The following CNTN3 variants were observed in gnomAD, a reference collection of about 807,000 sequenced individuals.
The protein encoded by CNTN3 is contactin 3.
In CNTN3, 60 loss-of-function variants were observed where a neutral mutation model predicts 119.1. The ratio of observed to expected loss-of-function variants is 0.50; its 90% confidence interval spans 0.41 to 0.62. CNTN3 has a LOEUF of 0.62. CNTN3 is among the 20% of genes least tolerant of loss of function. The pLI is 0.00. For missense variants in CNTN3, 1,101 were observed against 1,242.4 expected (o/e 0.89, Z 1.71); for synonymous variants, 450 against 438.7 (o/e 1.03, Z -0.32).
chr3:74,594,450 C>A (rs552669134), intron 1 of CNTN3, among the ~76,000 whole-genome samples: 17 of 151,928 alleles, frequency 1.1e-4, no homozygotes, highest in East Asian at 9.7e-4. Flanking sequence ...CCTCTCCCCC[C>A]ACCCCACAAC....
chr3:74,457,783 T>A (rs1370466497), intron 4 of CNTN3, among the ~76,000 whole-genome samples: 1 of 152,026 alleles, frequency 6.6e-6, no homozygotes, highest in East Asian at 1.9e-4. Context: ...AGAGATAAAT[T>A]AATACAGGAC....
chr3:74,301,884 A>C, intron 14 of CNTN3, 79 bp from the exon 15 acceptor site: 2 of 1,467,362 alleles, frequency 1.4e-6, no homozygotes, highest in Non-Finnish European at 1.9e-6. Flanking sequence ...AGAGAATGTC[A>C]CATGACCACT....
Position 74,266,608 on chromosome 3 carries a change from C to T in CNTN3, c.2859G>A (p.Leu953=). The T allele has an allele frequency of 6.2e-7, 1 of 1,613,442 alleles. No homozygotes were observed. Among genetic ancestry groups the T allele is most frequent in the Non-Finnish European group, 8.5e-7 (1 of 1,179,542 alleles). ...GTTCAGCTGAAGTTTTATTTGTGTTCAGTACTTGTACGTTATTTTGACTGC... is the reference window on the plus strand; with the variant it reads ...GTTCAGCTGAAGTTTTATTTGTGTTTAGTACTTGTACGTTATTTTGACTGC... ...RTSSQNNVQV[L]NTNKTSAELV... Residue 953 remains leucine (L), a synonymous_variant, in exon 22 of 23, where the codon CTG becomes CTA. Transcript: ENST00000263665.
At chr3:74,372,503 C>A (rs1299919003) in intron 5 of CNTN3, among the ~76,000 whole-genome samples, 1 of 151,898 alleles carries the variant, frequency 6.6e-6, no homozygotes, top group Non-Finnish European at 1.5e-5. Context: ...GGCTTATTGG[C>A]TTCCTGCTTT....
chr3:74,473,614 T>C (rs1396628424), intron 4 of CNTN3, among the ~76,000 whole-genome samples: 3 of 152,226 alleles, frequency 2.0e-5, no homozygotes, highest in South Asian at 4.1e-4. Context: ...TGCCAGTTTG[T>C]AGGAATGTAC....
At chr3:74,557,383 T>A (rs1011963331) in intron 1 of CNTN3, among the ~76,000 whole-genome samples, 1 of 152,068 alleles carries the variant, frequency 6.6e-6, no homozygotes, top group South Asian at 2.1e-4. Context: ...TGATGGCATT[T>A]TGAAAATATG....
intron 1 of CNTN3, among the ~76,000 whole-genome samples, chr3:74,609,006 C>T (rs1705037522): frequency 6.6e-6 from 1 of 152,110 alleles, no homozygotes; most frequent in Non-Finnish European, 1.5e-5. Flanking sequence ...AAGTAAAGAG[C>T]TTTCCTGAAC....
intron 19 of CNTN3, among the ~76,000 whole-genome samples, chr3:74,293,324 T>C (rs1702273210): frequency 6.6e-6 from 1 of 152,204 alleles, no homozygotes. Flanking sequence ...TTCAAGTCGA[T>C]GCTTGTTTGG....
chr3:74,592,250 T>C (rs1184305272), intron 1 of CNTN3, among the ~76,000 whole-genome samples: 1 of 151,750 alleles, frequency 6.6e-6, no homozygotes, highest in African/African-American at 2.4e-5. Context: ...GACTGGAAGA[T>C]GATCAATGAG....
At chr3:74,326,841 G>A (rs993437964) in intron 13 of CNTN3, among the ~76,000 whole-genome samples, 5 of 152,100 alleles carry the variant, frequency 3.3e-5, no homozygotes, top group African/African-American at 1.2e-4. Flanking sequence ...ATGTCCAAAT[G>A]ATATTTGTGT....
At chr3:74,412,468 G>A (rs1430930187) in intron 5 of CNTN3, among the ~76,000 whole-genome samples, 4 of 152,086 alleles carry the variant, frequency 2.6e-5, no homozygotes, top group African/African-American at 7.2e-5. Flanking sequence ...AGCTTCGTTT[G>A]GAATTATTTT....
chr3:74,372,244 A>T (rs1010631065), intron 5 of CNTN3, among the ~76,000 whole-genome samples: 1 of 152,146 alleles, frequency 6.6e-6, no homozygotes, highest in African/African-American at 2.4e-5. Flanking sequence ...ACTCAAAGGC[A>T]CTTAGTAGGG....
intron 4 of CNTN3, among the ~76,000 whole-genome samples, chr3:74,428,373 G>T (rs905462269): frequency 6.6e-6 from 1 of 152,026 alleles, no homozygotes; most frequent in Non-Finnish European, 1.5e-5. Flanking sequence ...GCATGTTATT[G>T]CCCCTGAAGA....
chr3:74,348,944 G>C (rs1246959301), intron 11 of CNTN3, among the ~76,000 whole-genome samples: 1 of 151,930 alleles, frequency 6.6e-6, no homozygotes, highest in African/African-American at 2.4e-5. Context: ...AAATTACCAA[G>C]GTGTGGTAGC....
intron 4 of CNTN3, among the ~76,000 whole-genome samples, chr3:74,481,938 CAT>C (rs1315636250): frequency 1.3e-5 from 2 of 151,504 alleles, no homozygotes; most frequent in Non-Finnish European, 3.0e-5. Context: ...TATTAGAAAA[CAT>C]AAATGAAATG....
intron 11 of CNTN3, among the ~76,000 whole-genome samples, chr3:74,361,210 T>C (rs554316370): frequency 6.6e-6 from 1 of 152,212 alleles, no homozygotes; most frequent in Non-Finnish European, 1.5e-5. Flanking sequence ...GGTGTTTACC[T>C]AAGTGCTTTA....
intron 3 of CNTN3, among the ~76,000 whole-genome samples, chr3:74,489,766 T>G (rs1353930311): frequency 6.6e-6 from 1 of 151,930 alleles, no homozygotes; most frequent in African/African-American, 2.4e-5. Flanking sequence ...CCATGGAAAA[T>G]TACCTAACAC....
chr3:74,290,193 C>T (rs939214278), intron 19 of CNTN3, among the ~76,000 whole-genome samples: 9 of 152,146 alleles, frequency 5.9e-5, no homozygotes, highest in Non-Finnish European at 8.8e-5. Flanking sequence ...TTATGCGAAC[C>T]TGCATGGTAT....
chr3:74,561,185 A>T (rs1704148359), intron 1 of CNTN3, among the ~76,000 whole-genome samples: 1 of 151,144 alleles, frequency 6.6e-6, no homozygotes, highest in South Asian at 2.1e-4. Context: ...TAAAAAAAAA[A>T]TAAAAAAAAA....
Sources: allele counts gnomAD v4.1 joint callset (sites outside exome capture counted in the v4.1 genomes callset), GRCh38; gene constraint gnomAD v4.1.1; transcripts MANE v1.5; gene names NCBI Gene and HGNC (gene_info 2026-07-23, HGNC 2026-07-21).